Variants in OXNAD1 observed in about 807,000 individuals in gnomAD.
OXNAD1 encodes the protein oxidoreductase NAD binding domain containing 1.
Under a neutral mutation model 32.9 loss-of-function variants are expected in OXNAD1, and 34 were observed. That is an observed-to-expected ratio of 1.03 (90% CI 0.79 to 1.38). The LOEUF (loss-of-function observed/expected upper bound fraction) is 1.38. OXNAD1 is among the 40% of genes most tolerant of loss of function. OXNAD1 has a pLI of 0.00. For synonymous variants in OXNAD1, 134 were observed against 135.2 expected (o/e 0.99, Z 0.06); for missense variants, 407 against 379.4 (o/e 1.07, Z -0.60).
intron 5 of OXNAD1, 99 bp from the exon 6 acceptor site, chr3:16,294,757 A>AT (rs994841239): frequency 4.7e-5 from 54 of 1,160,428 alleles, no homozygotes; most frequent in Non-Finnish European, 5.7e-5. Flanking sequence ...GATTTTAGTA[A>AT]TTTTTTTTCA....
chr3:16,325,727 C>T (rs990934067), intron 9 of OXNAD1, among the ~76,000 whole-genome samples: 12 of 152,182 alleles, frequency 7.9e-5, no homozygotes, highest in Non-Finnish European at 1.8e-4. Flanking sequence ...GTGCACTGAC[C>T]CACTGTGACC....
In OXNAD1 at chr3:16,301,647, G is replaced by T; in HGVS notation, c.454G>T (p.Ala152Ser). 4 of 1,613,902 alleles carry T rather than the reference G, an allele frequency of 2.5e-6. No individual in the cohort carries two copies. The highest frequency in any genetic ancestry group is 3.4e-6 in the Non-Finnish European group (4 of 1,179,896). ...TTAGTGTACACTTGACTGTGAAGTGGCTGTGAGAGTGGGTGGAGAGTTCTT... is the reference window on the plus strand; with the variant it reads ...TTAGTGTACACTTGACTGTGAAGTGTCTGTGAGAGTGGGTGGAGAGTTCTT... ...HNTCTLDCEV[A>S]VRVGGEFFFD... The change falls in exon 7 of 9, where the codon GCT becomes TCT. Residue 152 changes from alanine to serine, a missense_variant. Coordinates refer to ENST00000285083, the MANE Select transcript of OXNAD1 (RefSeq NM_138381.5). This position sits in a 1 kb window ranked among gnomAD's most constrained non-coding sequence, Gnocchi z 4.1.
intron 4 of OXNAD1, among the ~76,000 whole-genome samples, chr3:16,274,703 A>G (rs2065198857): frequency 6.6e-6 from 1 of 152,228 alleles, no homozygotes; most frequent in South Asian, 2.1e-4. Flanking sequence ...AACTTGCCCA[A>G]GCCATATATG....
At chr3:16,350,348 G>A (rs903183038), downstream of OXNAD1, 1 of 151,278 alleles carries the variant, frequency 6.6e-6, no homozygotes, top group African/African-American at 2.4e-5. Flanking sequence ...ACATGCATTT[G>A]TTTCTTTAGA....
chr3:16,271,810 T>G lies in OXNAD1; in HGVS notation c.183+88T>G. Reference sequence around the variant, plus strand: ...GCTTATGGGTAAAGCATTAGATGAGTCTGGTCCTTTTGAAGGAGAGTTGGG... The same window carrying G: ...GCTTATGGGTAAAGCATTAGATGAGGCTGGTCCTTTTGAAGGAGAGTTGGG... On this transcript the variant is annotated intron_variant, in intron 4 of 8. Transcript: ENST00000285083. The surrounding 1 kb of genome is among the most constrained non-coding windows in gnomAD (Gnocchi z 4.6). The G allele has an allele frequency of 8.7e-7, 1 of 1,148,250 alleles. No homozygotes were observed. The highest frequency in any genetic ancestry group is 1.2e-6 in the Non-Finnish European group (1 of 805,826). 71.1% of individuals were successfully genotyped at this position (1,148,250 alleles called of 1,614,324 possible).
intron 9 of OXNAD1, chr3:16,347,783 C>T (rs1254387564): frequency 6.6e-6 from 1 of 152,192 alleles, no homozygotes; most frequent in African/African-American, 2.4e-5. Flanking sequence ...ATAAAGCCTC[C>T]AATAACTTTT....
intron 9 of OXNAD1, among the ~76,000 whole-genome samples, chr3:16,343,116 A>T (rs1018383960): frequency 1.3e-5 from 2 of 152,188 alleles, no homozygotes; most frequent in Admixed American, 6.5e-5. Context: ...AAGAGCTGGG[A>T]TTACAGGCAT....
At chr3:16,306,493 G>A (rs1442685359), downstream of OXNAD1, among the ~76,000 whole-genome samples, 1 of 152,154 alleles carries the variant, frequency 6.6e-6, no homozygotes, top group Non-Finnish European at 1.5e-5. Context: ...ACCCTTCTGT[G>A]TTGTTTCCTC....
Position 16,294,942 on chromosome 3 carries a change from T to C in OXNAD1, c.377T>C (p.Ile126Thr), listed in dbSNP as rs1341671429. The stretch of plus-strand genomic sequence containing the variant: ...AGACTGCTAGAACAAGAGAGAGTGA[T>C]AGAATTGGCAGTGAAATATACGAAC... ...SPRLLEQERV[I>T]ELAVKYTNHP... The change falls in exon 6 of 9, where the codon ATA (isoleucine) becomes ACA (threonine). Residue 126 changes from isoleucine (I) to threonine (T), a missense_variant. Coordinates refer to ENST00000285083, the MANE Select transcript of OXNAD1 (RefSeq NM_138381.5). 3 of 1,613,512 alleles carry C rather than the reference T, an allele frequency of 1.9e-6. No individual in the cohort carries two copies. The highest frequency in any genetic ancestry group is 3.3e-5 in the Admixed American group (2 of 59,958).
intron 6 of OXNAD1, among the ~76,000 whole-genome samples, chr3:16,295,605 T>C (rs901402481): frequency 6.6e-6 from 1 of 152,214 alleles, no homozygotes; most frequent in East Asian, 1.9e-4. Context: ...AAGAATGAGC[T>C]CAGAACAGAT....
In OXNAD1 at chr3:16,312,623, C is replaced by T. The variant is rs1029676733; in HGVS notation, c.*30+9031C>T. ...AGGAGCTCAGCTAGAGTGGGTTGCA[C>T]GAGTCGTGAGTTTGGGGTCAACCTA... is the stretch of plus-strand genomic sequence containing the variant. On this transcript the variant is annotated intron_variant, in intron 9 of 9. Transcript: ENST00000435829. The surrounding 1 kb of genome is among the most constrained non-coding windows in gnomAD (Gnocchi z 4.7). 6.6e-6 allele frequency among the ~76,000 whole-genome samples: 1 copy of T among 152,210 alleles called. No homozygotes were observed. The highest frequency in any genetic ancestry group is 1.5e-5 in the Non-Finnish European group (1 of 68,048).
Position 16,316,766 on chromosome 3 carries a change from G to A in OXNAD1, c.*30+13174G>A. 6.3e-7 allele frequency: 1 copy of A among 1,595,854 alleles called. No homozygotes were observed. Among genetic ancestry groups the A allele is most frequent in the Admixed American group, 1.7e-5 (1 of 59,234 alleles). ...ACCAGGGAAACCAGCCCCCAAACCA[G>A]CTGTTGGTAAGATGCCTTGGGTTTG... On this transcript the variant is annotated intron_variant, in intron 9 of 9. Transcript: ENST00000435829. This position sits in a 1 kb window ranked among gnomAD's most constrained non-coding sequence, Gnocchi z 4.5.
At chr3:16,286,586 C>A in intron 5 of OXNAD1, 138 bp downstream of exon 5, 2 of 713,010 alleles carry the variant, frequency 2.8e-6, no homozygotes, top group Non-Finnish European at 4.6e-6. Flanking sequence ...TCAGGGTGAG[C>A]CTTTGTTGGC....
intron 9 of OXNAD1, among the ~76,000 whole-genome samples, chr3:16,311,358 ATTTTTGTATT>A (rs1472089591): frequency 6.6e-6 from 1 of 151,798 alleles, no homozygotes; most frequent in East Asian, 1.9e-4. Flanking sequence ...ACCACGCCTA[ATTTTTGTATT>A]TTTAATAGAG....
rs2071706921 is a variant in OXNAD1, at chr3:16,346,193, A to G, written c.*31-2983A>G. ...GGGTGCACATTCATTTTTAATGACT[A>G]CACACCTTCCCTTGACTAAATGGAA... On this transcript the variant is annotated intron_variant, in intron 9 of 9. Coordinates refer to the OXNAD1 transcript ENST00000606098. This position sits in a 1 kb window ranked among gnomAD's most constrained non-coding sequence, Gnocchi z 4.4. 6.6e-6 allele frequency: 1 copy of G among 152,188 alleles called. No homozygotes were observed. Among genetic ancestry groups the G allele is most frequent in the East Asian group, 1.9e-4 (1 of 5,194 alleles). 9.4% of individuals were successfully genotyped at this position (152,188 alleles called of 1,614,324 possible). A position where few individuals can be genotyped will look rare whatever the true frequency, so the allele number is the denominator to read the frequency against.
At position 16,329,931 on chromosome 3, in the gene OXNAD1, A is replaced by C. The variant is rs1183587490; in HGVS notation, c.*31-7181A>C. On this transcript the variant is annotated intron_variant, in intron 9 of 9. Coordinates refer to the OXNAD1 transcript ENST00000435829. The surrounding 1 kb of genome is among the most constrained non-coding windows in gnomAD (Gnocchi z 4.5). The stretch of plus-strand genomic sequence containing the variant: ...GGGCACCCAGAGCTGCGAGACAATG[A>C]ACGACCCCTGCTGCAGCCCGACCCG... Among the ~76,000 whole-genome samples, 2 of 152,128 alleles carry C rather than the reference A, an allele frequency of 1.3e-5. No homozygotes were observed. Among genetic ancestry groups the C allele is most frequent in the African/African-American group, 2.4e-5 (1 of 41,412 alleles).
chr3:16,279,988 A>G (rs1237047334), intron 4 of OXNAD1, among the ~76,000 whole-genome samples: 1 of 152,240 alleles, frequency 6.6e-6, no homozygotes, highest in African/African-American at 2.4e-5. Context: ...AAAGACCACA[A>G]GTGCCTGGTT....
At chr3:16,347,419 C>A (rs960930021) in intron 9 of OXNAD1, among the ~76,000 whole-genome samples, 1 of 152,252 alleles carries the variant, frequency 6.6e-6, no homozygotes, top group South Asian at 2.1e-4. Flanking sequence ...AAGGTTATAA[C>A]AGGCCCATGC....
rs542523427 is a variant in OXNAD1 at position 16,277,284 on chromosome 3, G to T, written c.183+5562G>T. On this transcript the variant is annotated intron_variant, in intron 4 of 8. Transcript: ENST00000285083. The surrounding 1 kb of genome is among the most constrained non-coding windows in gnomAD (Gnocchi z 4.3). ...CCATACAGAATGAGAACTGCGAAGA[G>T]TTGGGAGGAACTGGAGAAAGCTAGA... 6.6e-6 allele frequency among the ~76,000 whole-genome samples: 1 copy of T among 152,254 alleles called. No individual in the cohort carries two copies. Among genetic ancestry groups the T allele is most frequent in the Admixed American group, 6.5e-5 (1 of 15,290 alleles).
Sources: allele counts gnomAD v4.1 joint callset (sites outside exome capture counted in the v4.1 genomes callset), GRCh38; gene constraint gnomAD v4.1.1; non-coding constraint Gnocchi (gnomAD v3.1); transcripts MANE v1.5; gene names NCBI Gene and HGNC (gene_info 2026-07-23, HGNC 2026-07-21).